Variants in RALGAPA2 observed in about 807,000 individuals in gnomAD.
RALGAPA2 encodes the protein Ral GTPase activating protein catalytic subunit alpha 2, also known as ral GTPase-activating protein subunit alpha-2.
Under a neutral mutation model 230.4 loss-of-function variants are expected in RALGAPA2, and 139 were observed. That is an observed-to-expected ratio of 0.60 (90% CI 0.53 to 0.69). The LOEUF is 0.69. Ranked by LOEUF, RALGAPA2 falls within the 30% of genes least tolerant of loss-of-function variation. RALGAPA2 has a pLI of 0.00. For synonymous variants in RALGAPA2, 847 were observed against 837.8 expected (o/e 1.01, Z -0.19); for missense variants, 2,163 against 2,276.0 (o/e 0.95, Z 1.01).
intron 38 of RALGAPA2, among the ~76,000 whole-genome samples, chr20:20,411,393 A>G (rs978761373): frequency 6.6e-5 from 10 of 152,348 alleles, no homozygotes; most frequent in African/African-American, 2.2e-4. Context: ...TAAAAACCTA[A>G]AAACAAGGAA....
rs557183599 is a variant in RALGAPA2, at chr20:20,613,338, C to T, written c.1689-1912G>A. ...ATTTTCCTGCATTCTTCATTATTTT[C>T]CTGATCTCTATCTCCTCATACAGGT... On this transcript the variant is annotated intron_variant, in intron 13 of 39. Coordinates refer to ENST00000202677, the MANE Select transcript of RALGAPA2 (RefSeq NM_020343.4). 2.0e-5 allele frequency among the ~76,000 whole-genome samples: 3 copies of T among 152,328 alleles called. No individual in the cohort carries two copies. In the South Asian group the frequency reaches 6.2e-4, roughly 32 times the overall value.
intron 37 of RALGAPA2, among the ~76,000 whole-genome samples, chr20:20,418,256 T>C (rs932141214): frequency 2.0e-5 from 3 of 152,210 alleles, no homozygotes; most frequent in South Asian, 2.1e-4. Context: ...AGTTGCTCAG[T>C]ACCATTAATG....
At chr20:20,495,074 C>T (rs2062165844) in intron 36 of RALGAPA2, 43 bp downstream of exon 36, 1 of 1,464,948 alleles carries the variant, frequency 6.8e-7, no homozygotes, top group African/African-American at 1.4e-5. Context: ...AATCACATGG[C>T]AAATGCTTTA....
In RALGAPA2 at chr20:20,433,969, C is replaced by A. The variant is rs190241045; in HGVS notation, c.5496-21821G>T. ...CAGCCATGTAGATGAAGGTTTTGGCCATGTTCTTTGTACTCAGACATGGCA... is the reference window on the plus strand; with the variant it reads ...CAGCCATGTAGATGAAGGTTTTGGCAATGTTCTTTGTACTCAGACATGGCA... On this transcript the variant is annotated intron_variant, in intron 37 of 39. Coordinates refer to ENST00000202677, the MANE Select transcript of RALGAPA2 (RefSeq NM_020343.4). Among the ~76,000 whole-genome samples the A allele has an allele frequency of 1.4e-4, 22 of 152,150 alleles. No homozygotes were observed. In the East Asian group the frequency reaches 4.1e-3, roughly 28 times the overall value.
intron 5 of RALGAPA2, among the ~76,000 whole-genome samples, chr20:20,642,642 T>C (rs1332693600): frequency 6.6e-6 from 1 of 152,258 alleles, no homozygotes; most frequent in African/African-American, 2.4e-5. Flanking sequence ...AGGGTAGTTA[T>C]AAACATGAGA....
intron 36 of RALGAPA2, among the ~76,000 whole-genome samples, chr20:20,492,507 C>G (rs2062086710): frequency 6.6e-6 from 1 of 152,160 alleles, no homozygotes. Flanking sequence ...AGTACAAAGC[C>G]TTCCCTTCCA....
At position 20,411,990 on chromosome 20, in the gene RALGAPA2, C is replaced by A. The variant is rs775948387; in HGVS notation, c.5617+37G>T. On this transcript the variant is annotated intron_variant, in intron 38 of 39. Coordinates refer to ENST00000202677, the MANE Select transcript of RALGAPA2 (RefSeq NM_020343.4). ...GTGTACATCTGCTGCTCGAATGCGT[C>A]TTAAGCGCGTGAGAGAAGAATAATG... is the stretch of plus-strand genomic sequence containing the variant. 29 of 1,612,930 alleles carry A rather than the reference C, an allele frequency of 1.8e-5. No individual in the cohort carries two copies. In the Admixed American group the frequency reaches 4.8e-4, roughly 27 times the overall value.
At position 20,390,163 on chromosome 20, in the gene RALGAPA2, G is replaced by A. The variant is rs2059581471; in HGVS notation, c.*3126C>T. On this transcript the variant is annotated 3_prime_UTR_variant, in exon 40 of 40. Transcript: ENST00000202677. ...ACAGCAGGTCCATGGGGCGCAGGTG[G>A]TGCCACCTGAGGAAGGTCAGGAAGA... The A allele has an allele frequency of 6.6e-6, 1 of 152,212 alleles. No homozygotes were observed. Among genetic ancestry groups the A allele is most frequent in the Admixed American group, 6.5e-5 (1 of 15,286 alleles). The allele number at this position is 152,212 out of a possible 1,614,324, so 9.4% of individuals were successfully genotyped here. A position where few individuals can be genotyped will look rare whatever the true frequency, so the allele number is the denominator to read the frequency against.
chr20:20,457,738 G>A lies in RALGAPA2; in HGVS notation c.5495+15091C>T, dbSNP rs965812503. Among the ~76,000 whole-genome samples, 8 of 152,348 alleles carry A rather than the reference G, an allele frequency of 5.3e-5. 1 individual carries two copies. In the East Asian group the frequency reaches 5.8e-4, roughly 11 times the overall value. Reference sequence around the variant, plus strand: ...ATCTCTGCCCTCACGCAGGGGGCACGGTGTGAGTAAAATCAGTGAATTACA... The same window carrying A: ...ATCTCTGCCCTCACGCAGGGGGCACAGTGTGAGTAAAATCAGTGAATTACA... On this transcript the variant is annotated intron_variant, in intron 37 of 39. Coordinates refer to ENST00000202677, the MANE Select transcript of RALGAPA2 (RefSeq NM_020343.4).
chr20:20,475,553 A>C (rs2061631352), intron 36 of RALGAPA2, among the ~76,000 whole-genome samples: 1 of 152,200 alleles, frequency 6.6e-6, no homozygotes, highest in African/African-American at 2.4e-5. Context: ...AAAACAAAAC[A>C]GAACAAAAAC....
At chr20:20,653,168 C>G (rs1398200069) in intron 4 of RALGAPA2, among the ~76,000 whole-genome samples, 3 of 139,990 alleles carry the variant, frequency 2.1e-5, no homozygotes, top group Non-Finnish European at 3.0e-5. Context: ...TGCACTCCAG[C>G]CTAGGCGACA....
At chr20:20,669,440 T>C (rs2068062692) in intron 3 of RALGAPA2, among the ~76,000 whole-genome samples, 1 of 152,198 alleles carries the variant, frequency 6.6e-6, no homozygotes, top group Admixed American at 6.5e-5. Context: ...GTTTCTGATA[T>C]GCAAACCAAC....
intron 36 of RALGAPA2, among the ~76,000 whole-genome samples, chr20:20,484,547 A>C (rs556428564): frequency 6.6e-6 from 1 of 152,190 alleles, no homozygotes; most frequent in Non-Finnish European, 1.5e-5. Flanking sequence ...CCAAATAGTA[A>C]GAAAGTCCTC....
intron 36 of RALGAPA2, among the ~76,000 whole-genome samples, chr20:20,480,036 A>T (rs1344587540): frequency 6.6e-6 from 1 of 152,250 alleles, no homozygotes; most frequent in Non-Finnish European, 1.5e-5. Context: ...TAGATCTAAC[A>T]AGGAAAGTAT....
At chr20:20,547,946 A>T (rs1041751855) in intron 23 of RALGAPA2, among the ~76,000 whole-genome samples, 1 of 152,210 alleles carries the variant, frequency 6.6e-6, no homozygotes, top group African/African-American at 2.4e-5. Context: ...TTGTCTGCAT[A>T]TCAAACCACA....
chr20:20,448,177 G>C (rs2123130827), intron 37 of RALGAPA2, among the ~76,000 whole-genome samples: 1 of 152,306 alleles, frequency 6.6e-6, no homozygotes, highest in Middle Eastern at 3.4e-3. Flanking sequence ...ATAGAAATAA[G>C]AGTTAATATT....
chr20:20,508,392 T>C (rs1340951300), intron 33 of RALGAPA2, among the ~76,000 whole-genome samples: 1 of 152,254 alleles, frequency 6.6e-6, no homozygotes, highest in African/African-American at 2.4e-5. Flanking sequence ...TGCACTGTTC[T>C]TTCTTATTAG....
At chr20:20,685,651 T>G (rs1004650938) in intron 1 of RALGAPA2, among the ~76,000 whole-genome samples, 1 of 151,878 alleles carries the variant, frequency 6.6e-6, no homozygotes, top group African/African-American at 2.4e-5. Flanking sequence ...ATAAAAGAAA[T>G]AAATCATCAC....
chr20:20,521,544 G>A (rs935102366), intron 30 of RALGAPA2, among the ~76,000 whole-genome samples: 1 of 152,120 alleles, frequency 6.6e-6, no homozygotes, highest in Non-Finnish European at 1.5e-5. Flanking sequence ...GCCATAAATT[G>A]TAAGGGCTAA....
Sources: gnomAD v4.1 joint callset for allele counts (sites outside exome capture counted in the v4.1 genomes callset) on GRCh38, gnomAD v4.1.1 for gene constraint, MANE v1.5 for transcripts, NCBI Gene and HGNC (gene_info 2026-07-23, HGNC 2026-07-21) for gene names.